Variants in RGS20 observed in about 807,000 individuals in gnomAD.
RGS20 encodes the protein regulator of G protein signaling 20.
Under a neutral mutation model 33.6 loss-of-function variants are expected in RGS20, and 30 were observed. The ratio of observed to expected loss-of-function variants is 0.89; its 90% confidence interval spans 0.67 to 1.21. RGS20 has a LOEUF of 1.21. RGS20 is among the 50% of genes most tolerant of loss of function. The pLI is 0.00. For synonymous variants in RGS20, 208 were observed against 197.9 expected (o/e 1.05, Z -0.43); for missense variants, 472 against 502.4 (o/e 0.94, Z 0.58).
At chr8:53,954,430 G>T (rs569058985) in intron 5 of RGS20, 120 bp downstream of exon 4, 1 of 636,766 alleles carries the variant, frequency 1.6e-6, no homozygotes, top group African/African-American at 1.8e-5. Context: ...TTGGGAGGCT[G>T]AGGCGGGCGG....
chr8:53,952,808 T>C (rs1428946477), intron 4 of RGS20, among the ~76,000 whole-genome samples: 1 of 152,168 alleles, frequency 6.6e-6, no homozygotes, highest in African/African-American at 2.4e-5. Context: ...GGAAACAAGA[T>C]AAAAGAGATA....
intron 2 of RGS20, among the ~76,000 whole-genome samples, chr8:53,917,008 A>G (rs1813507872): frequency 6.6e-6 from 1 of 152,102 alleles, no homozygotes; most frequent in African/African-American, 2.4e-5. Flanking sequence ...ACTTCCAAAT[A>G]TCATCACCTT....
chr8:53,878,022 G>A (rs913777521), intron 1 of RGS20, among the ~76,000 whole-genome samples: 3 of 152,192 alleles, frequency 2.0e-5, no homozygotes, highest in Non-Finnish European at 4.4e-5. Context: ...CGGCCGCCGC[G>A]CCCCTGGGAC....
intron 2 of RGS20, among the ~76,000 whole-genome samples, chr8:53,903,186 A>G (rs1470928435): frequency 1.3e-5 from 2 of 152,218 alleles, no homozygotes; most frequent in African/African-American, 2.4e-5. Context: ...AGATAGATGT[A>G]TATGTACATA....
At chr8:53,876,242 G>A (rs1293705845) in intron 1 of RGS20, 2 of 151,826 alleles carry the variant, frequency 1.3e-5, no homozygotes, top group African/African-American at 2.4e-5. Context: ...TTTATGAAAT[G>A]CTGCTATTTA....
chr8:53,868,059 T>G (rs1667236100), intron 1 of RGS20, among the ~76,000 whole-genome samples: 1 of 152,176 alleles, frequency 6.6e-6, no homozygotes, highest in Non-Finnish European at 1.5e-5. Flanking sequence ...AGAGAACTAA[T>G]CAATTTACTA....
At chr8:53,940,425 GA>G (rs1240047856) in intron 3 of RGS20, among the ~76,000 whole-genome samples, 1 of 152,192 alleles carries the variant, frequency 6.6e-6, no homozygotes, top group African/African-American at 2.4e-5. Flanking sequence ...CCAAGTTTGT[GA>G]ACCACTTTCA....
At chr8:53,956,533 A>T (rs558404939) in intron 5 of RGS20, among the ~76,000 whole-genome samples, 3 of 152,308 alleles carry the variant, frequency 2.0e-5, no homozygotes, top group African/African-American at 7.2e-5. Flanking sequence ...CCAGCTGAAG[A>T]CGCTAGAGAG....
chr8:53,912,023 A>C (rs1402826130), intron 2 of RGS20, among the ~76,000 whole-genome samples: 1 of 152,172 alleles, frequency 6.6e-6, no homozygotes, highest in African/African-American at 2.4e-5. Flanking sequence ...AAACTGGACA[A>C]AGATGGCCAA....
Position 53,882,151 on chromosome 8 carries a change from G to A in RGS20, c.510+2549G>A, listed in dbSNP as rs189015636. ...GCGGCTAGCTGAGAGTGGGGTGGGC[G>A]TTTTGGGGAAAGGTTTGCGTGCGCT... On this transcript the variant is annotated intron_variant, in intron 2 of 5. Transcript: ENST00000297313. Among the ~76,000 whole-genome samples the A allele has an allele frequency of 1.9e-4, 29 of 152,278 alleles. No individual in the cohort carries two copies. The East Asian group carries it at 5.6e-3, about 30-fold the overall frequency.
intron 2 of RGS20, among the ~76,000 whole-genome samples, chr8:53,888,227 C>T (rs1358896595): frequency 6.6e-6 from 1 of 152,164 alleles, no homozygotes; most frequent in African/African-American, 2.4e-5. Flanking sequence ...CCGCAAATTT[C>T]AGTTGTTAGG....
At position 53,939,599 on chromosome 8, in the gene RGS20, G is replaced by A. The variant is rs1388088104; in HGVS notation, c.534G>A (p.Glu178=). ...AGCAGATGGGATCAGAGCGGATGGA[G>A]ATGCGGAAGCGGCAGATGCCCGCCG... The change falls in exon 3 of 6, where the codon GAG becomes GAA. Residue 178 remains glutamate (E), a synonymous_variant. Coordinates refer to ENST00000297313, the MANE Select transcript of RGS20 (RefSeq NM_170587.4). 6.2e-7 allele frequency: 1 copy of A among 1,603,390 alleles called. No homozygotes were observed. The highest frequency in any genetic ancestry group is 1.7e-5 in the Admixed American group (1 of 58,180).
chr8:53,857,532 C>T (rs192326664), intron 1 of RGS20, among the ~76,000 whole-genome samples: 65 of 152,290 alleles, frequency 4.3e-4, no homozygotes, highest in Non-Finnish European at 7.8e-4. Context: ...AGATGTTGGT[C>T]AAAGGGCACA....
chr8:53,918,774 G>A lies in RGS20; in HGVS notation c.511-20802G>A, dbSNP rs114658388. 4.0e-3 allele frequency among the ~76,000 whole-genome samples: 616 copies of A among 152,168 alleles called. 8 individuals carry two copies. Among genetic ancestry groups the A allele is most frequent in the African/African-American group, 0.013 (522 of 41,514 alleles). On this transcript the variant is annotated intron_variant, in intron 2 of 5. Coordinates refer to ENST00000297313, the MANE Select transcript of RGS20 (RefSeq NM_170587.4). The stretch of plus-strand genomic sequence containing the variant: ...TTCATAGCTAAATAAATATTGCCTC[G>A]TATGGACATATCATATTTTGTTTAT...
At chr8:53,955,549 C>G (rs1253660492) in intron 5 of RGS20, among the ~76,000 whole-genome samples, 1 of 152,102 alleles carries the variant, frequency 6.6e-6, no homozygotes, top group Non-Finnish European at 1.5e-5. Flanking sequence ...AGGAGGCCAG[C>G]CCTGGCACAG....
rs1014955986 is a variant in RGS20 at position 53,877,586 on chromosome 8, C to T, written c.166-1672C>T. The stretch of plus-strand genomic sequence containing the variant: ...CTCGAGGGAGCTGTTGGCGCTTCTC[C>T]AGAAGCCTCCTCGGCTCCCAGCTCC... On this transcript the variant is annotated intron_variant, in intron 1 of 5. Transcript: ENST00000297313. The surrounding 1 kb of genome is among the most constrained non-coding windows in gnomAD (Gnocchi z 5.7). Among the ~76,000 whole-genome samples the T allele has an allele frequency of 6.6e-6, 1 of 152,224 alleles. No individual in the cohort carries two copies. Among genetic ancestry groups the T allele is most frequent in the African/African-American group, 2.4e-5 (1 of 41,472 alleles).
At position 53,946,451 on chromosome 8, in the gene RGS20, A is replaced by G. The variant is rs574807716; in HGVS notation, c.660-214A>G. The G allele has an allele frequency of 1.9e-5, 11 of 582,478 alleles. 1 individual carries two copies. The East Asian group carries it at 3.1e-4, about 16-fold the overall frequency. 36.1% of individuals were successfully genotyped at this position (582,478 alleles called of 1,614,324 possible). On this transcript the variant is annotated intron_variant, in intron 3 of 5. Transcript: ENST00000297313. ...CACAATAATTTCTAACTCTTTCTCAATAGTAGAAACCACAACGTTTATTTA... is the reference window on the plus strand; with the variant it reads ...CACAATAATTTCTAACTCTTTCTCAGTAGTAGAAACCACAACGTTTATTTA...
chr8:53,872,838 G>T (rs985517380), intron 1 of RGS20, among the ~76,000 whole-genome samples: 2 of 151,434 alleles, frequency 1.3e-5, no homozygotes, highest in African/African-American at 4.9e-5. Context: ...CATCTTGAGG[G>T]TTTTTTTTTA....
At chr8:53,935,046 A>C (rs558954988) in intron 2 of RGS20, among the ~76,000 whole-genome samples, 7 of 152,164 alleles carry the variant, frequency 4.6e-5, no homozygotes, top group Non-Finnish European at 1.0e-4. Context: ...AAAATAAATA[A>C]GTTTTTTGAA....
Sources: gnomAD v4.1 joint callset for allele counts (sites outside exome capture counted in the v4.1 genomes callset) on GRCh38, gnomAD v4.1.1 for gene constraint, Gnocchi (gnomAD v3.1) non-coding constraint, MANE v1.5 for transcripts, NCBI Gene and HGNC (gene_info 2026-07-23, HGNC 2026-07-21) for gene names.